KATNIP: variants seen among roughly 807,000 people sequenced by gnomAD.
KATNIP encodes katanin-interacting protein.
A neutral mutation model predicts 174.0 loss-of-function variants in KATNIP; 126 were observed. That is an observed-to-expected ratio of 0.72 (90% CI 0.63 to 0.84). The LOEUF (loss-of-function observed/expected upper bound fraction) is 0.84. KATNIP is among the 40% of genes least tolerant of loss of function. The pLI is 0.00. For synonymous variants in KATNIP, 810 were observed against 835.7 expected (o/e 0.97, Z 0.53); for missense variants, 1,958 against 2,109.7 (o/e 0.93, Z 1.41).
chr16:27,735,479 A>G (rs570504429), intron 14 of KATNIP, among the ~76,000 whole-genome samples: 8 of 152,354 alleles, frequency 5.3e-5, no homozygotes, highest in African/African-American at 1.9e-4. Context: ...TTGCAGAACC[A>G]GTCATTGAAA....
intron 2 of KATNIP, among the ~76,000 whole-genome samples, chr16:27,597,314 A>G (rs754283568): frequency 9.2e-5 from 14 of 151,362 alleles, no homozygotes; most frequent in Non-Finnish European, 1.9e-4. Context: ...TGAGCTAGGC[A>G]TGCATGCTTC....
rs562853651 is a variant in KATNIP at position 27,571,868 on chromosome 16, C to A, written c.8-2033C>A. ...GAATCCTTAGACTGACAGCCAGAGC[C>A]GTGTGGTCAAGGGTTTCTGGGAGCT... On this transcript the variant is annotated intron_variant, in intron 1 of 27. Transcript: ENST00000261588. 5.9e-5 allele frequency among the ~76,000 whole-genome samples: 9 copies of A among 152,316 alleles called. No homozygotes were observed. In the East Asian group the frequency reaches 1.7e-3, roughly 29 times the overall value.
At chr16:27,647,252 G>A (rs1158013798) in intron 5 of KATNIP, among the ~76,000 whole-genome samples, 1 of 152,158 alleles carries the variant, frequency 6.6e-6, no homozygotes, top group Non-Finnish European at 1.5e-5. Context: ...AGAAAGTTTG[G>A]GAAATGTCCC....
At chr16:27,727,771 A>G (rs1191809737) in intron 14 of KATNIP, 4 of 152,272 alleles carry the variant, frequency 2.6e-5, no homozygotes, top group African/African-American at 4.8e-5. Context: ...CAATAATTAC[A>G]AACATTCTGC....
At chr16:27,653,939 G>C (rs1195366922) in intron 6 of KATNIP, among the ~76,000 whole-genome samples, 9 of 151,872 alleles carry the variant, frequency 5.9e-5, no homozygotes, top group Admixed American at 5.9e-4. Context: ...CAAATTTCCA[G>C]ATATTACAAG....
chr16:27,596,436 A>G (rs1304961850), intron 2 of KATNIP, among the ~76,000 whole-genome samples: 2 of 152,180 alleles, frequency 1.3e-5, no homozygotes, highest in African/African-American at 2.4e-5. Context: ...AATTCAGCTT[A>G]AAACCTAGGA....
chr16:27,611,758 A>T (rs1230412370), intron 2 of KATNIP, among the ~76,000 whole-genome samples: 1 of 152,236 alleles, frequency 6.6e-6, no homozygotes, highest in Non-Finnish European at 1.5e-5. Flanking sequence ...GATAAACAGC[A>T]GAGTTCAGGG....
At chr16:27,712,510 T>C (rs1433055170) in intron 13 of KATNIP, among the ~76,000 whole-genome samples, 1 of 152,160 alleles carries the variant, frequency 6.6e-6, no homozygotes, top group African/African-American at 2.4e-5. Flanking sequence ...GCATGGCTGA[T>C]AGAGCTCACC....
intron 15 of KATNIP, among the ~76,000 whole-genome samples, chr16:27,749,215 C>A (rs974106559): frequency 6.6e-5 from 10 of 152,216 alleles, no homozygotes; most frequent in African/African-American, 2.4e-4. Context: ...TTAGAAAATT[C>A]AGTCTATGAA....
intron 8 of KATNIP, among the ~76,000 whole-genome samples, chr16:27,682,807 A>C (rs2078397082): frequency 6.6e-6 from 1 of 152,136 alleles, no homozygotes; most frequent in Non-Finnish European, 1.5e-5. Context: ...TGAAGAGGTC[A>C]TGAAGGCTTG....
chr16:27,741,038 C>A, intron 15 of KATNIP, 118 bp downstream of exon 15: 2 of 1,060,288 alleles, frequency 1.9e-6, no homozygotes, highest in Non-Finnish European at 1.3e-6. Context: ...TGGTTGTTCT[C>A]AACTAAGGGT....
intron 6 of KATNIP, chr16:27,654,667 A>T (rs772233815): frequency 7.4e-7 from 1 of 1,351,384 alleles, no homozygotes; most frequent in East Asian, 4.5e-5. Context: ...TTCTGAATGC[A>T]TGTGGACATT....
rs146104397 is a variant in KATNIP at position 27,622,684 on chromosome 16, C to T, written c.140+4183C>T. On this transcript the variant is annotated intron_variant, in intron 3 of 27. Transcript: ENST00000261588. Reference sequence around the variant, plus strand: ...AGGGAAACTTACAGGAAAACTTGCCCACAAAAGTGCTGGGCCTGCAGCCCC... The same window carrying T: ...AGGGAAACTTACAGGAAAACTTGCCTACAAAAGTGCTGGGCCTGCAGCCCC... 2.8e-3 allele frequency among the ~76,000 whole-genome samples: 426 copies of T among 152,252 alleles called. 1 individual carries two copies. Among genetic ancestry groups the T allele is most frequent in the Middle Eastern group, 6.8e-3 (2 of 294 alleles).
chr16:27,581,467 C>T (rs1300564452), intron 2 of KATNIP, among the ~76,000 whole-genome samples: 1 of 152,124 alleles, frequency 6.6e-6, no homozygotes, highest in African/African-American at 2.4e-5. Flanking sequence ...CTGTCCTTGA[C>T]CGAGGTGCCC....
chr16:27,700,407 G>A (rs1441929137), intron 10 of KATNIP, among the ~76,000 whole-genome samples: 1 of 152,184 alleles, frequency 6.6e-6, no homozygotes, highest in Non-Finnish European at 1.5e-5. Context: ...TGTGTGCTCA[G>A]AATGCAGAGG....
At chr16:27,699,358 A>T (rs1274156732) in intron 9 of KATNIP, 176 bp from the exon 10 acceptor site, 17 of 756,188 alleles carry the variant, frequency 2.2e-5, no homozygotes, top group African/African-American at 3.8e-5. Flanking sequence ...TCTTTGGGGC[A>T]TCCATCGAGC....
intron 5 of KATNIP, among the ~76,000 whole-genome samples, chr16:27,641,110 C>A (rs2076781198): frequency 6.6e-6 from 1 of 151,348 alleles, no homozygotes; most frequent in African/African-American, 2.4e-5. Context: ...TGCACTCCAG[C>A]CTGGGCGACA....
intron 1 of KATNIP, among the ~76,000 whole-genome samples, chr16:27,555,563 G>A (rs1457489534): frequency 6.6e-6 from 1 of 152,188 alleles, no homozygotes; most frequent in Non-Finnish European, 1.5e-5. Context: ...GGCTGGGCGC[G>A]GTGGCTCACG....
chr16:27,738,909 AG>A (rs2080999135), intron 14 of KATNIP, among the ~76,000 whole-genome samples: 1 of 152,138 alleles, frequency 6.6e-6, no homozygotes, highest in African/African-American at 2.4e-5. Flanking sequence ...CAGTGCCCTG[AG>A]GGCAGCCTTC....
Sources: allele counts gnomAD v4.1 joint callset (sites outside exome capture counted in the v4.1 genomes callset), GRCh38; gene constraint gnomAD v4.1.1; transcripts MANE v1.5; gene names NCBI Gene and HGNC (gene_info 2026-07-23, HGNC 2026-07-21).